Variants in MARCHF1 observed in about 807,000 individuals in gnomAD.
MARCHF1 encodes membrane associated ring-CH-type finger 1.
MARCHF1 carries 40 observed loss-of-function variants against 54.2 expected under a neutral mutation model. That is an observed-to-expected ratio of 0.74 (90% CI 0.57 to 0.96). MARCHF1 has a LOEUF of 0.96. Ranked by LOEUF, MARCHF1 falls within the 40% of genes least tolerant of loss-of-function variation. The pLI, the probability that MARCHF1 is intolerant of heterozygous loss-of-function variation, is 0.00. For synonymous variants in MARCHF1, 236 were observed against 236.3 expected, an observed-to-expected ratio of 1.00 and a Z score of 0.01; for missense variants, 586 against 656.5, an observed-to-expected ratio of 0.89 and a Z score of 1.17.
At chr4:163,835,549 C>T (rs988680381) in intron 4 of MARCHF1, among the ~76,000 whole-genome samples, 1 of 152,176 alleles carries the variant, frequency 6.6e-6, no homozygotes, top group African/African-American at 2.4e-5. Context: ...AAACTATAAC[C>T]AATCCAGCTG....
intron 1 of MARCHF1, chr4:164,135,460 A>G (rs1168618146): frequency 6.6e-6 from 1 of 152,204 alleles, no homozygotes; most frequent in Non-Finnish European, 1.5e-5. Context: ...ATTCACAATC[A>G]TGGTGGAAGG....
At chr4:163,723,122 G>A (rs1321545338) in intron 4 of MARCHF1, among the ~76,000 whole-genome samples, 1 of 152,174 alleles carries the variant, frequency 6.6e-6, no homozygotes, top group Non-Finnish European at 1.5e-5. Context: ...CCTAGCCTCA[G>A]TGGTCTTTAC....
chr4:164,197,844 C>T, intron 1 of MARCHF1: 2 of 1,424,462 alleles, frequency 1.4e-6, no homozygotes, highest in Non-Finnish European at 1.9e-6. Context: ...CCAATATTTA[C>T]AAATATTATA....
intron 1 of MARCHF1, among the ~76,000 whole-genome samples, chr4:164,347,231 C>T (rs975830512): frequency 6.6e-6 from 1 of 152,198 alleles, no homozygotes; most frequent in Non-Finnish European, 1.5e-5. Flanking sequence ...TAGAACACCT[C>T]TTTTGAATAT....
intron 4 of MARCHF1, among the ~76,000 whole-genome samples, chr4:163,840,906 G>T (rs1387328103): frequency 6.6e-6 from 1 of 151,812 alleles, no homozygotes; most frequent in Non-Finnish European, 1.5e-5. Flanking sequence ...ACTTAAATGG[G>T]CATATACAAT....
At chr4:164,147,062 C>T (rs1309835225) in intron 1 of MARCHF1, among the ~76,000 whole-genome samples, 2 of 151,930 alleles carry the variant, frequency 1.3e-5, no homozygotes, top group African/African-American at 4.8e-5. Flanking sequence ...AGCCAAAAAA[C>T]ACATGAAAAA....
chr4:164,051,779 C>G (rs1579492702), intron 2 of MARCHF1, among the ~76,000 whole-genome samples: 1 of 152,240 alleles, frequency 6.6e-6, no homozygotes, highest in East Asian at 1.9e-4. Flanking sequence ...AGGAAGAAGA[C>G]AATGCACTGG....
chr4:164,358,352 A>G (rs1402395239), intron 1 of MARCHF1, among the ~76,000 whole-genome samples: 2 of 152,182 alleles, frequency 1.3e-5, no homozygotes, highest in Non-Finnish European at 2.9e-5. Context: ...GAAAGTCACT[A>G]GTCAACTTAT....
At chr4:163,830,177 A>G (rs772060139) in intron 4 of MARCHF1, among the ~76,000 whole-genome samples, 1 of 152,094 alleles carries the variant, frequency 6.6e-6, no homozygotes, top group Non-Finnish European at 1.5e-5. Flanking sequence ...TGCAGACTAG[A>G]TCAAACAACA....
chr4:163,756,619 G>A lies in MARCHF1; in HGVS notation c.112-55756C>T, dbSNP rs186355336. ...TGTACTCCAGCCTGGGCGACAGAGC[G>A]AGACTCTGTCTCAAAAAAAAAAAAA... is the stretch of plus-strand genomic sequence containing the variant. On this transcript the variant is annotated intron_variant, in intron 4 of 9. Transcript: ENST00000514618. Among the ~76,000 whole-genome samples the A allele has an allele frequency of 4.4e-3, 464 of 105,608 alleles. 2 individuals carry two copies. Among genetic ancestry groups the A allele is most frequent in the African/African-American group, 0.016 (438 of 27,380 alleles). 69.3% of individuals were successfully genotyped at this position (105,608 alleles called of 152,430 possible).
intron 1 of MARCHF1, among the ~76,000 whole-genome samples, chr4:164,285,371 A>T (rs1303480182): frequency 4.6e-5 from 7 of 152,120 alleles, no homozygotes; most frequent in Admixed American, 4.6e-4. Context: ...TAGCCACTGC[A>T]CTCCAGCCTG....
At chr4:164,188,229 T>C (rs1472081010) in intron 1 of MARCHF1, 2 of 241,644 alleles carry the variant, frequency 8.3e-6, no homozygotes, top group East Asian at 1.9e-4. Flanking sequence ...ACAAATACTT[T>C]CTCGATGCCG....
chr4:163,661,981 G>A (rs578088285), intron 5 of MARCHF1, among the ~76,000 whole-genome samples: 3 of 152,194 alleles, frequency 2.0e-5, no homozygotes, highest in East Asian at 1.9e-4. Context: ...TTTCAAAAAT[G>A]TGAAGTAATT....
intron 5 of MARCHF1, among the ~76,000 whole-genome samples, chr4:163,632,410 A>C (rs906335022): frequency 3.3e-5 from 5 of 152,232 alleles, no homozygotes; most frequent in Admixed American, 6.5e-5. Flanking sequence ...CAGCCGAAGC[A>C]GGGCGAGGCA....
chr4:164,031,393 T>C (rs1753874193), intron 2 of MARCHF1, among the ~76,000 whole-genome samples: 2 of 151,626 alleles, frequency 1.3e-5, no homozygotes, highest in African/African-American at 4.8e-5. Flanking sequence ...TATTCTTTAT[T>C]AGTCTAGCTA....
At chr4:164,170,673 C>G (rs1346494508) in intron 1 of MARCHF1, among the ~76,000 whole-genome samples, 1 of 152,036 alleles carries the variant, frequency 6.6e-6, no homozygotes, top group Non-Finnish European at 1.5e-5. Context: ...GTGGGAGAAG[C>G]CTTCCCAATG....
At chr4:163,953,379 G>A (rs1752171795) in intron 3 of MARCHF1, among the ~76,000 whole-genome samples, 2 of 152,082 alleles carry the variant, frequency 1.3e-5, no homozygotes, top group South Asian at 2.1e-4. Flanking sequence ...GTGTAAAATG[G>A]TTGTCATCAA....
At chr4:163,747,254 C>T (rs1266620480) in intron 4 of MARCHF1, among the ~76,000 whole-genome samples, 2 of 152,180 alleles carry the variant, frequency 1.3e-5, no homozygotes, top group Admixed American at 6.5e-5. Context: ...CCTGAATCTA[C>T]ATTAGCTGAC....
rs187828481 is a variant in MARCHF1, at chr4:164,007,270, C to T, written c.-247-18561G>A. Among the ~76,000 whole-genome samples, 88 of 143,620 alleles carry T rather than the reference C, an allele frequency of 6.1e-4. 1 individual carries two copies. Among genetic ancestry groups the T allele is most frequent in the African/African-American group, 2.2e-3 (86 of 38,496 alleles). The allele number at this position is 143,620 out of a possible 152,430, so 94.2% of individuals were successfully genotyped here. A position where few individuals can be genotyped will look rare whatever the true frequency, so the allele number is the denominator to read the frequency against. On this transcript the variant is annotated intron_variant, in intron 2 of 9. Coordinates refer to ENST00000514618, the MANE Select transcript of MARCHF1 (RefSeq NM_001394959.1). ...CTGAGGCAGGAGAATGGCGTGAACC[C>T]GGGAAGCAGATCTGGCAGTGAGCTG...
Sources: allele counts gnomAD v4.1 joint callset (sites outside exome capture counted in the v4.1 genomes callset), GRCh38; gene constraint gnomAD v4.1.1; transcripts MANE v1.5; gene names NCBI Gene and HGNC (gene_info 2026-07-23, HGNC 2026-07-21).